IQSEC1: variants seen among roughly 807,000 people sequenced by gnomAD.
The protein encoded by IQSEC1 is IQ motif and SEC7 domain-containing protein 1.
Under a neutral mutation model 91.0 loss-of-function variants are expected in IQSEC1, and 31 were observed. The ratio of observed to expected loss-of-function variants is 0.34; its 90% CI spans 0.26 to 0.46. The LOEUF is 0.46. Among genes scored for constraint, IQSEC1 ranks in the 20% least tolerant of loss-of-function variants. The pLI is 1.00. For missense variants in IQSEC1, 1,388 were observed against 1,575.6 expected, an observed-to-expected ratio of 0.88 and a Z score of 2.02; for synonymous variants, 699 against 662.6, an observed-to-expected ratio of 1.05 and a Z score of -0.84.
chr3:13,156,127 G>A (rs552612312), intron 2 of IQSEC1, among the ~76,000 whole-genome samples: 2 of 151,860 alleles, frequency 1.3e-5, no homozygotes, highest in Admixed American at 1.3e-4. Context: ...AGCTACTCAG[G>A]AGGCTGAGGC....
intron 1 of IQSEC1, among the ~76,000 whole-genome samples, chr3:13,242,011 G>C (rs914830578): frequency 3.9e-5 from 6 of 152,184 alleles, no homozygotes; most frequent in African/African-American, 1.4e-4. Flanking sequence ...TTACCACAAC[G>C]TATATACATA....
intron 2 of IQSEC1, among the ~76,000 whole-genome samples, chr3:13,122,293 A>G (rs1357176049): frequency 1.3e-5 from 2 of 152,278 alleles, no homozygotes; most frequent in Admixed American, 1.3e-4. Flanking sequence ...GGCCCGGGAC[A>G]GGGAGCGAGT....
At chr3:13,145,109 C>T (rs1057056499) in intron 2 of IQSEC1, among the ~76,000 whole-genome samples, 18 of 152,170 alleles carry the variant, frequency 1.2e-4, no homozygotes, top group Non-Finnish European at 2.5e-4. Context: ...ATGAGCCCCC[C>T]CATCTGCTGA....
chr3:12,951,881 C>A lies in IQSEC1; in HGVS notation c.24-10016G>T, dbSNP rs77265708. On this transcript the variant is annotated intron_variant, in intron 1 of 13. Coordinates refer to ENST00000613206, the MANE Select transcript of IQSEC1 (RefSeq NM_001134382.3). ...CCTGGAGGAGCACACGTAATGGGCA[C>A]AGATGTTGAGTCCCGTGCTCAGAGC... Among the ~76,000 whole-genome samples the A allele has an allele frequency of 1.2e-3, 177 of 152,244 alleles. 1 individual carries two copies. Among genetic ancestry groups the A allele is most frequent in the African/African-American group, 4.0e-3 (168 of 41,544 alleles).
chr3:13,092,516 G>C (rs1245509433), intron 2 of IQSEC1, among the ~76,000 whole-genome samples: 1 of 152,104 alleles, frequency 6.6e-6, no homozygotes, highest in Non-Finnish European at 1.5e-5. Flanking sequence ...CAGGAACTGA[G>C]ATGCTGCCAA....
At chr3:12,966,026 T>A (rs1200733782) in intron 1 of IQSEC1, among the ~76,000 whole-genome samples, 5 of 152,172 alleles carry the variant, frequency 3.3e-5, no homozygotes, top group Admixed American at 2.0e-4. Flanking sequence ...TCCTGCAATA[T>A]GAGGATGCTG....
At chr3:13,242,240 C>T (rs1419892304) in intron 1 of IQSEC1, among the ~76,000 whole-genome samples, 1 of 152,182 alleles carries the variant, frequency 6.6e-6, no homozygotes, top group East Asian at 1.9e-4. Flanking sequence ...GTCTCCGCGG[C>T]TGTGATGCGG....
intron 1 of IQSEC1, among the ~76,000 whole-genome samples, chr3:13,016,710 C>T (rs540044747): frequency 6.6e-5 from 10 of 152,226 alleles, no homozygotes; most frequent in Non-Finnish European, 1.5e-4. Flanking sequence ...CGCAAGGCCA[C>T]CACTGCAGAC....
rs1310864744 is a variant in IQSEC1, at chr3:12,940,155, T to C, written c.318+1416A>G. On this transcript the variant is annotated intron_variant, in intron 2 of 13. Transcript: ENST00000613206. The surrounding 1 kb of genome is among the most constrained non-coding windows in gnomAD (Gnocchi z 4.4). ...CCGTGGTCCACTTTGGATCTGGGCA[T>C]CACGGATAAAGGAACAGAGGTTGCT... Among the ~76,000 whole-genome samples, 1 of 152,140 alleles carries C rather than the reference T, an allele frequency of 6.6e-6. No homozygotes were observed. Among genetic ancestry groups the C allele is most frequent in the Admixed American group, 6.5e-5 (1 of 15,272 alleles).
chr3:13,137,606 G>T (rs1233058244), intron 2 of IQSEC1, among the ~76,000 whole-genome samples: 1 of 152,230 alleles, frequency 6.6e-6, no homozygotes, highest in Non-Finnish European at 1.5e-5. Flanking sequence ...CATTGGGAAT[G>T]TTCCCCTTCT....
intron 1 of IQSEC1, among the ~76,000 whole-genome samples, chr3:13,185,776 A>G (rs746651175): frequency 1.3e-5 from 2 of 152,260 alleles, no homozygotes; most frequent in African/African-American, 2.4e-5. Context: ...GCTGGAAAGC[A>G]CTTTTGACAC....
intron 1 of IQSEC1, among the ~76,000 whole-genome samples, chr3:13,006,718 C>G (rs1329060345): frequency 6.6e-6 from 1 of 152,268 alleles, no homozygotes; most frequent in African/African-American, 2.4e-5. Context: ...CAGGGCCCAC[C>G]CACGGCCCCA....
intron 2 of IQSEC1, among the ~76,000 whole-genome samples, chr3:13,123,935 T>G (rs1328274957): frequency 6.6e-6 from 1 of 152,264 alleles, no homozygotes; most frequent in Non-Finnish European, 1.5e-5. Flanking sequence ...GGCTTGCTTT[T>G]GTAAATAAAG....
chr3:13,109,791 C>CTTT, intron 2 of IQSEC1, among the ~76,000 whole-genome samples: 1 of 146,404 alleles, frequency 6.8e-6, no homozygotes, highest in East Asian at 2.0e-4. Flanking sequence ...CTGATTAAAC[C>CTTT]TTTTTTTTTT....
chr3:13,188,763 A>G (rs1342276941), intron 1 of IQSEC1, among the ~76,000 whole-genome samples: 6 of 152,242 alleles, frequency 3.9e-5, no homozygotes, highest in Admixed American at 3.9e-4. Flanking sequence ...GCAAGCCAAG[A>G]GGCTCCACAG....
chr3:13,128,042 A>AT (rs1453077158), intron 2 of IQSEC1, among the ~76,000 whole-genome samples: 2 of 151,998 alleles, frequency 1.3e-5, no homozygotes, highest in South Asian at 2.1e-4. Flanking sequence ...GAATTCATTC[A>AT]TTTTTTTCTG....
intron 1 of IQSEC1, among the ~76,000 whole-genome samples, chr3:13,239,483 C>T (rs923384993): frequency 1.7e-4 from 26 of 152,374 alleles, no homozygotes; most frequent in Middle Eastern, 3.4e-3. Flanking sequence ...GAAAGACCCT[C>T]GTGTTCTGGG....
At chr3:13,266,135 C>T (rs561712400) in intron 1 of IQSEC1, among the ~76,000 whole-genome samples, 2 of 152,230 alleles carry the variant, frequency 1.3e-5, no homozygotes, top group African/African-American at 2.4e-5. Flanking sequence ...TTCTTGAACC[C>T]ATTTTCCATA....
rs1700712883 is a variant in IQSEC1 at position 12,967,985 on chromosome 3, A to G, written c.24-26120T>C. On this transcript the variant is annotated intron_variant, in intron 1 of 13. Coordinates refer to ENST00000613206, the MANE Select transcript of IQSEC1 (RefSeq NM_001134382.3). The surrounding 1 kb of genome is among the most constrained non-coding windows in gnomAD (Gnocchi z 5.9). ...GTGCAGAGCGCAAGGGCGGAGTCCCAGACACTGCATCCAGGTCCCAGCGCG... is the reference window on the plus strand; with the variant it reads ...GTGCAGAGCGCAAGGGCGGAGTCCCGGACACTGCATCCAGGTCCCAGCGCG... 6.6e-6 allele frequency among the ~76,000 whole-genome samples: 1 copy of G among 152,194 alleles called. No homozygotes were observed. Among genetic ancestry groups the G allele is most frequent in the Non-Finnish European group, 1.5e-5 (1 of 68,010 alleles).
Sources: gnomAD v4.1 joint callset for allele counts (sites outside exome capture counted in the v4.1 genomes callset) on GRCh38, gnomAD v4.1.1 for gene constraint, Gnocchi (gnomAD v3.1) non-coding constraint, MANE v1.5 for transcripts, NCBI Gene and HGNC (gene_info 2026-07-23, HGNC 2026-07-21) for gene names.